CNTN5: variants seen among roughly 807,000 people sequenced by gnomAD.
CNTN5 encodes contactin-5.
In CNTN5, 77 loss-of-function variants were observed where a neutral mutation model predicts 129.1. The ratio of observed to expected loss-of-function variants is 0.60; its 90% CI spans 0.50 to 0.72. The LOEUF is 0.72. Ranked by LOEUF, CNTN5 falls within the 30% of genes least tolerant of loss-of-function variation. The pLI, the probability that CNTN5 is intolerant of heterozygous loss-of-function variation, is 0.00. For missense variants in CNTN5, 1,478 were observed against 1,328.8 expected (o/e 1.11, Z -1.75); for synonymous variants, 509 against 465.6 (o/e 1.09, Z -1.20).
At chr11:99,210,623 T>A (rs1327851375) in intron 1 of CNTN5, among the ~76,000 whole-genome samples, 1 of 152,168 alleles carries the variant, frequency 6.6e-6, no homozygotes, top group Non-Finnish European at 1.5e-5. Context: ...CTGGTCCAAA[T>A]ACCCTTCTCA....
At chr11:100,056,123 A>G (rs550976091) in intron 9 of CNTN5, among the ~76,000 whole-genome samples, 1 of 151,686 alleles carries the variant, frequency 6.6e-6, no homozygotes, top group Admixed American at 6.6e-5. Context: ...TTAAATGTCT[A>G]TTTTATTTTT....
In CNTN5 at chr11:99,540,941, A is replaced by G. The variant is rs184619102; in HGVS notation, c.-70-15204A>G. On this transcript the variant is annotated intron_variant, in intron 2 of 24. Coordinates refer to ENST00000524871, the MANE Select transcript of CNTN5 (RefSeq NM_014361.4). ...AGTCTGAAATGTATTCTGTAGCCCA[A>G]TGACTGCCAGTAATACTACGTTAAA... Among the ~76,000 whole-genome samples the G allele has an allele frequency of 1.4e-3, 209 of 152,190 alleles. 2 individuals carry two copies. Among genetic ancestry groups the G allele is most frequent in the Non-Finnish European group, 5.7e-4 (39 of 68,028 alleles).
At chr11:99,720,182 A>G (rs1277814885) in intron 3 of CNTN5, among the ~76,000 whole-genome samples, 4 of 152,160 alleles carry the variant, frequency 2.6e-5, no homozygotes, top group African/African-American at 9.6e-5. Flanking sequence ...TGAGGCCAGC[A>G]TCATCTTGCT....
At chr11:99,975,120 C>T (rs1246707802) in intron 8 of CNTN5, among the ~76,000 whole-genome samples, 1 of 152,168 alleles carries the variant, frequency 6.6e-6, no homozygotes, top group Admixed American at 6.5e-5. Flanking sequence ...AAGACATAGC[C>T]TCAAGAAGCT....
At chr11:99,183,509 T>C (rs1858186763) in intron 1 of CNTN5, among the ~76,000 whole-genome samples, 1 of 152,110 alleles carries the variant, frequency 6.6e-6, no homozygotes, top group African/African-American at 2.4e-5. Context: ...TCCTCTCCTC[T>C]TAAAATTATC....
At chr11:99,239,886 G>A (rs1591402205) in intron 1 of CNTN5, among the ~76,000 whole-genome samples, 1 of 148,440 alleles carries the variant, frequency 6.7e-6, no homozygotes, top group Admixed American at 6.7e-5. Flanking sequence ...GCAGTGAGCC[G>A]AGATAGCGCC....
At chr11:100,003,609 C>T (rs1362939127) in intron 9 of CNTN5, among the ~76,000 whole-genome samples, 2 of 152,062 alleles carry the variant, frequency 1.3e-5, no homozygotes, top group African/African-American at 2.4e-5. Context: ...AAATATTTCC[C>T]CAGGCAAGCT....
At chr11:100,140,922 A>G (rs1946679590) in intron 13 of CNTN5, among the ~76,000 whole-genome samples, 1 of 152,130 alleles carries the variant, frequency 6.6e-6, no homozygotes, top group African/African-American at 2.4e-5. Flanking sequence ...GGGCAGTGAG[A>G]AGCAAGAAAG....
chr11:99,356,249 A>C (rs1354318593), intron 2 of CNTN5, among the ~76,000 whole-genome samples: 1 of 152,138 alleles, frequency 6.6e-6, no homozygotes, highest in Non-Finnish European at 1.5e-5. Flanking sequence ...AACAATTTTA[A>C]ACAAGTACAC....
At chr11:99,431,191 G>A (rs938799254) in intron 2 of CNTN5, among the ~76,000 whole-genome samples, 1 of 151,958 alleles carries the variant, frequency 6.6e-6, no homozygotes, top group African/African-American at 2.4e-5. Context: ...GAGCTCTGAT[G>A]GTAAGGAGAA....
intron 2 of CNTN5, among the ~76,000 whole-genome samples, chr11:99,456,991 A>G (rs1278326409): frequency 6.6e-6 from 1 of 152,022 alleles, no homozygotes; most frequent in East Asian, 1.9e-4. Flanking sequence ...TGATAAAATA[A>G]AAAAGAAGAC....
chr11:99,851,543 A>G (rs1947873702), intron 6 of CNTN5, among the ~76,000 whole-genome samples: 1 of 152,156 alleles, frequency 6.6e-6, no homozygotes, highest in Non-Finnish European at 1.5e-5. Context: ...CACAGTTGGG[A>G]TTTTTAGAAA....
intron 3 of CNTN5, among the ~76,000 whole-genome samples, chr11:99,590,536 T>C (rs1949946124): frequency 6.6e-6 from 1 of 152,242 alleles, no homozygotes; most frequent in South Asian, 2.1e-4. Flanking sequence ...ATATCTGTTA[T>C]ACAAAGGTCA....
At chr11:99,448,450 A>C (rs1180130187) in intron 2 of CNTN5, among the ~76,000 whole-genome samples, 1 of 152,172 alleles carries the variant, frequency 6.6e-6, no homozygotes, top group African/African-American at 2.4e-5. Context: ...CTTGTGGAGA[A>C]AAGTAATAAA....
intron 16 of CNTN5, among the ~76,000 whole-genome samples, chr11:100,238,040 G>C: frequency 6.6e-6 from 1 of 152,118 alleles, no homozygotes; most frequent in East Asian, 1.9e-4. Flanking sequence ...GATATAAAGG[G>C]TAATTCTCAG....
intron 2 of CNTN5, among the ~76,000 whole-genome samples, chr11:99,546,489 A>G (rs1281345399): frequency 2.1e-5 from 3 of 146,002 alleles, no homozygotes. Flanking sequence ...AGTTGTTATA[A>G]AGAGTTACAG....
rs57676591 is a variant in CNTN5, at chr11:100,088,040, TA to T, written c.1580+13757del. Among the ~76,000 whole-genome samples, 431 of 148,382 alleles carry T rather than the reference TA, an allele frequency of 2.9e-3. 3 individuals are homozygous for T. Among genetic ancestry groups the T allele is most frequent in the African/African-American group, 7.8e-3 (316 of 40,644 alleles). ...TAAAACAATAAAATTAAGGCAGAAA[TA>T]AAAAAAAAAATTCTTTGAAATAAAT... On this transcript the variant is annotated intron_variant, in intron 13 of 24. Coordinates refer to ENST00000524871, the MANE Select transcript of CNTN5 (RefSeq NM_014361.4).
At chr11:99,907,771 A>T (rs1949548445) in intron 6 of CNTN5, among the ~76,000 whole-genome samples, 1 of 152,004 alleles carries the variant, frequency 6.6e-6, no homozygotes, top group African/African-American at 2.4e-5. Context: ...TCTGAGATAA[A>T]TCATGCTAAA....
At chr11:99,793,211 C>T (rs1445037979) in intron 3 of CNTN5, among the ~76,000 whole-genome samples, 2 of 152,070 alleles carry the variant, frequency 1.3e-5, no homozygotes, top group African/African-American at 4.8e-5. Flanking sequence ...AGGCACCTGC[C>T]ACCACGCCCA....
Sources: allele counts gnomAD v4.1 joint callset (sites outside exome capture counted in the v4.1 genomes callset), GRCh38; gene constraint gnomAD v4.1.1; transcripts MANE v1.5; gene names NCBI Gene and HGNC (gene_info 2026-07-23, HGNC 2026-07-21).